CYB5R2: variants seen among roughly 807,000 people sequenced by gnomAD.
CYB5R2 encodes the protein NADH-cytochrome b5 reductase 2.
A neutral mutation model predicts 29.8 loss-of-function variants in CYB5R2; 35 were observed. That is an observed-to-expected ratio of 1.17 (90% confidence interval 0.90 to 1.56). The LOEUF is 1.56. CYB5R2 is among the 40% of genes most tolerant of loss of function. The pLI, the probability that CYB5R2 is intolerant of heterozygous loss-of-function variation, is 0.00. For missense variants in CYB5R2, 419 were observed against 346.7 expected, an observed-to-expected ratio of 1.21 and a Z score of -1.66; for synonymous variants, 169 against 130.6, an observed-to-expected ratio of 1.29 and a Z score of -2.01.
Position 7,667,787 on chromosome 11 carries a change from G to C in CYB5R2, c.499C>G (p.Arg167Gly), listed in dbSNP as rs149733078. Residue 167 changes from arginine to glycine, a missense_variant, in exon 7 of 9, where the codon CGC (arginine) becomes GGC (glycine). Physicochemically the swap from Arg to Gly is moderately radical, Grantham distance 125. Coordinates refer to ENST00000299498, the MANE Select transcript of CYB5R2 (RefSeq NM_016229.5). ...TGITPMLQLI[R>G]HITKDPSDRT... ...TCACTGGGGTCCTTGGTGATGTGGC[G>C]AATGAGCTGCAACATGGGTGTGATG... 1 of 1,614,154 alleles carries C rather than the reference G, an allele frequency of 6.2e-7. No homozygotes were observed. The highest frequency in any genetic ancestry group is 8.5e-7 in the Non-Finnish European group (1 of 1,180,012).
chr11:7,665,963 G>C (rs1390934513), intron 8 of CYB5R2: 1 of 1,518,602 alleles, frequency 6.6e-7, no homozygotes, highest in Non-Finnish European at 8.8e-7. Context: ...AGGTACAGCC[G>C]GGAGCAGTGT....
rs553406288 is a variant in CYB5R2, at chr11:7,666,180, T to C, written c.658+271A>G. 5.8e-4 allele frequency: 345 copies of C among 598,098 alleles called. 6 individuals are homozygous for C. In the South Asian group the frequency reaches 6.6e-3, roughly 11 times the overall value. The allele number at this position is 598,098 out of a possible 1,614,324, so 37.0% of individuals were successfully genotyped here. On this transcript the variant is annotated intron_variant, in intron 8 of 8. Coordinates refer to ENST00000299498, the MANE Select transcript of CYB5R2 (RefSeq NM_016229.5). ...GTGTGGAATGGGTGGGTGTTCACAGTGGACAGGGGCAGTGTCCCTTTTGAT... is the reference window on the plus strand; with the variant it reads ...GTGTGGAATGGGTGGGTGTTCACAGCGGACAGGGGCAGTGTCCCTTTTGAT...
chr11:7,674,057 C>T, upstream of CYB5R2: 1 of 1,190,294 alleles, frequency 8.4e-7, no homozygotes, highest in Non-Finnish European at 1.1e-6. Flanking sequence ...CCCTCTGCAT[C>T]CTGGCCCCTT....
In CYB5R2 at chr11:7,673,405, G is replaced by A; in HGVS notation, c.-67+14C>T. On this transcript the variant is annotated intron_variant, in intron 1 of 8. Coordinates refer to ENST00000299498, the MANE Select transcript of CYB5R2 (RefSeq NM_016229.5). ...CTGCCAGAGACTCGGGAGCCTCCCCGCATCTGTCCCTACCCTACAAGGCCG... is the reference window on the plus strand; with the variant it reads ...CTGCCAGAGACTCGGGAGCCTCCCCACATCTGTCCCTACCCTACAAGGCCG... The A allele has an allele frequency of 1.0e-6, 1 of 997,394 alleles. No individual in the cohort carries two copies. The highest frequency in any genetic ancestry group is 1.2e-6 in the Non-Finnish European group (1 of 835,926). The allele number at this position is 997,394 out of a possible 1,614,324, so 61.8% of individuals were successfully genotyped here.
At chr11:7,665,625 C>A in intron 8 of CYB5R2, 79 bp from the exon 9 acceptor site, 1 of 1,443,570 alleles carries the variant, frequency 6.9e-7, no homozygotes, top group South Asian at 1.4e-5. Context: ...CACACCCACC[C>A]TCAGCCAGGG....
At chr11:7,672,946 C>CG in intron 1 of CYB5R2, 55 bp from the exon 2 acceptor site, 1 of 1,547,274 alleles carries the variant, frequency 6.5e-7, no homozygotes, top group Non-Finnish European at 8.8e-7. Flanking sequence ...CTGGACAGGG[C>CG]AGCTCTCAGG....
Position 7,668,490 on chromosome 11 carries a change from C to A in CYB5R2, c.460G>T (p.Ala154Ser). 1 of 1,613,968 alleles carries A rather than the reference C, an allele frequency of 6.2e-7. No homozygotes were observed. The highest frequency in any genetic ancestry group is 8.5e-7 in the Non-Finnish European group (1 of 1,179,806). ...KTLADHLGMI[A>S]GGTGITPMLQ... ...AGAAGCCTCTTACCTGTGCCCCCAG[C>A]AATCATTCCCAGGTGATCGGCCAGT... Residue 154 changes from alanine (A) to serine (S), a missense_variant, in exon 6 of 9, where the codon GCT becomes TCT. Transcript: ENST00000299498.
At chr11:7,666,146 G>A (rs537190339) in intron 8 of CYB5R2, 6 of 603,666 alleles carry the variant, frequency 9.9e-6, no homozygotes, top group East Asian at 2.8e-5. Context: ...AGATGTGTAT[G>A]TGATGGCTGT....
intron 3 of CYB5R2, chr11:7,670,534 C>T (rs908442837): frequency 6.6e-6 from 1 of 152,214 alleles, no homozygotes; most frequent in Non-Finnish European, 1.5e-5. Context: ...CTACAGGGCC[C>T]TAGGATTTGG....
chr11:7,674,018 G>A (rs1855934591), upstream of CYB5R2: 5 of 1,166,786 alleles, frequency 4.3e-6, no homozygotes, highest in Admixed American at 4.0e-5. Flanking sequence ...GCGGGGCGCT[G>A]AGCCGTGGCG....
chr11:7,666,388 A>G, intron 8 of CYB5R2, 63 bp downstream of exon 8: 1 of 1,018,224 alleles, frequency 9.8e-7, no homozygotes, highest in East Asian at 2.4e-5. Context: ...GACAGAGACC[A>G]GTCCTCAAAG....
intron 8 of CYB5R2, 99 bp from the exon 9 acceptor site, chr11:7,665,645 C>G (rs560216797): frequency 3.0e-6 from 4 of 1,324,460 alleles, no homozygotes; most frequent in East Asian, 2.5e-5. Flanking sequence ...GAGGAGGTGA[C>G]AAGCTGCTCT....
chr11:7,665,218 T>G lies in CYB5R2; in HGVS notation c.*156A>C. ...GCCAGTCTCCAGCCCCTTGAGCCCT[T>G]TTTGTTAGGCCCACACCCAAAAGAG... On this transcript the variant is annotated 3_prime_UTR_variant, in exon 9 of 9. Transcript: ENST00000299498. 12 of 592,884 alleles carry G rather than the reference T, an allele frequency of 2.0e-5. No homozygotes were observed. The highest frequency in any genetic ancestry group is 3.0e-5 in the Non-Finnish European group (11 of 362,680). 36.7% of individuals were successfully genotyped at this position (592,884 alleles called of 1,614,324 possible).
chr11:7,670,382 TTTGTCTATTCAAGAAAA>T (rs1855654393), intron 3 of CYB5R2: 1 of 152,270 alleles, frequency 6.6e-6, no homozygotes, highest in Admixed American at 6.5e-5. Flanking sequence ...GAAAGGAATA[TTTGTCTATTCAAGAAAA>T]ATATGTGGCC....
In CYB5R2 at chr11:7,665,370, G is replaced by A; in HGVS notation, c.*4C>T. 1 of 1,495,574 alleles carries A rather than the reference G, an allele frequency of 6.7e-7. No individual in the cohort carries two copies. The highest frequency in any genetic ancestry group is 2.4e-5 in the East Asian group (1 of 41,178). The allele number at this position is 1,495,574 out of a possible 1,614,324, so 92.6% of individuals were successfully genotyped here. On this transcript the variant is annotated 3_prime_UTR_variant, in exon 9 of 9. Coordinates refer to ENST00000299498, the MANE Select transcript of CYB5R2 (RefSeq NM_016229.5). Reference sequence around the variant, plus strand: ...CATGCAAAATTGCTGAGCACGTGGAGGTGTTAGTAGGTGAAAATCATGTCC... The same window carrying A: ...CATGCAAAATTGCTGAGCACGTGGAAGTGTTAGTAGGTGAAAATCATGTCC...
upstream of CYB5R2, chr11:7,674,147 G>T: frequency 8.2e-7 from 1 of 1,223,118 alleles, no homozygotes; most frequent in Non-Finnish European, 1.0e-6. Flanking sequence ...CCGTCTGGGT[G>T]ACCGGGCGGA....
chr11:7,672,265 T>C, intron 3 of CYB5R2, 186 bp downstream of exon 3: 1 of 584,470 alleles, frequency 1.7e-6, no homozygotes, highest in South Asian at 2.2e-5. Flanking sequence ...CCAATTGGAA[T>C]AATGAAGAAA....
Position 7,672,887 on chromosome 11 carries a change from G to A in CYB5R2, c.-62C>T, listed in dbSNP as rs1312381430. On this transcript the variant is annotated 5_prime_UTR_variant, in exon 2 of 9. Coordinates refer to ENST00000299498, the MANE Select transcript of CYB5R2 (RefSeq NM_016229.5). ...GACGGTGATGGTCAGGAGCAGGGAC[G>A]GGTCCTGGCAGACACAATGTGAACA... 2 of 1,612,088 alleles carry A rather than the reference G, an allele frequency of 1.2e-6. No homozygotes were observed. Among genetic ancestry groups the A allele is most frequent in the African/African-American group, 1.3e-5 (1 of 74,996 alleles).
chr11:7,665,841 C>T, intron 8 of CYB5R2: 2 of 1,535,354 alleles, frequency 1.3e-6, no homozygotes, highest in Non-Finnish European at 1.7e-6. Flanking sequence ...GTGTGTGAAT[C>T]AGTACAGCCA....
Sources: gnomAD v4.1 joint callset for allele counts on GRCh38, gnomAD v4.1.1 for gene constraint, MANE v1.5 for transcripts, NCBI Gene and HGNC (gene_info 2026-07-23, HGNC 2026-07-21) for gene names.